The following TCEA1 variants were observed in gnomAD, a reference collection of about 807,000 sequenced individuals.
TCEA1 encodes the protein transcription elongation factor A1.
A neutral mutation model predicts 43.8 loss-of-function variants in TCEA1; 21 were observed. The observed-to-expected ratio is 0.48, with a 90% CI of 0.34 to 0.69. The LOEUF is 0.69. Ranked by LOEUF, TCEA1 falls within the 30% of genes least tolerant of loss-of-function variation. The pLI is 0.01. For missense variants in TCEA1, 250 were observed against 365.1 expected (o/e 0.68, Z 2.57); for synonymous variants, 104 against 117.5 (o/e 0.88, Z 0.75).
intron 2 of TCEA1, among the ~76,000 whole-genome samples, chr8:54,000,346 C>T (rs532267729): frequency 9.9e-5 from 15 of 152,122 alleles, no homozygotes; most frequent in South Asian, 4.2e-4. Context: ...TGAAGATAAA[C>T]GAGGATAAAA....
At chr8:54,000,082 C>G in intron 2 of TCEA1, 32 bp from the exon 3 acceptor site, 2 of 1,220,918 alleles carry the variant, frequency 1.6e-6, no homozygotes, top group Non-Finnish European at 2.3e-6. Context: ...ATTATGTATA[C>G]CAATTTTATT....
chr8:54,000,655 C>T (rs923904717), intron 2 of TCEA1, among the ~76,000 whole-genome samples: 1 of 152,100 alleles, frequency 6.6e-6, no homozygotes, highest in Non-Finnish European at 1.5e-5. Flanking sequence ...TTTCTAACAA[C>T]CCTTCAAAGT....
At chr8:53,999,224 CAAAAA>C (rs57357613) in intron 3 of TCEA1, among the ~76,000 whole-genome samples, 5 of 64,550 alleles carry the variant, frequency 7.7e-5, no homozygotes, top group South Asian at 5.0e-4. Context: ...GACTCAGTCT[CAAAAA>C]AAAAAAAAAA....
At chr8:53,989,913 G>A (rs1683238030) in intron 4 of TCEA1, among the ~76,000 whole-genome samples, 1 of 152,100 alleles carries the variant, frequency 6.6e-6, no homozygotes. Flanking sequence ...AGGACTACAG[G>A]TGCATGCCAC....
At chr8:53,986,089 G>A (rs1158897803) in intron 6 of TCEA1, among the ~76,000 whole-genome samples, 1 of 152,190 alleles carries the variant, frequency 6.6e-6, no homozygotes, top group Non-Finnish European at 1.5e-5. Flanking sequence ...AATTAAGCTA[G>A]CAGATTACTT....
intron 8 of TCEA1, among the ~76,000 whole-genome samples, chr8:53,975,782 G>C (rs1803313980): frequency 6.6e-6 from 1 of 152,132 alleles, no homozygotes; most frequent in Non-Finnish European, 1.5e-5. Context: ...TTTCACTTTT[G>C]CAAGAGGAAA....
chr8:53,991,112 G>T (rs970184927), intron 4 of TCEA1, among the ~76,000 whole-genome samples: 1 of 152,150 alleles, frequency 6.6e-6, no homozygotes, highest in Non-Finnish European at 1.5e-5. Context: ...ACAACGAGAG[G>T]CCAGGCGCAG....
intron 2 of TCEA1, among the ~76,000 whole-genome samples, chr8:54,006,483 GA>G (rs944201933): frequency 6.8e-6 from 1 of 146,558 alleles, no homozygotes; most frequent in Admixed American, 6.8e-5. Flanking sequence ...CCATCTCAAA[GA>G]AAAAAAAAAC....
chr8:53,975,383 A>T (rs2129299307), intron 8 of TCEA1, among the ~76,000 whole-genome samples: 1 of 152,290 alleles, frequency 6.6e-6, no homozygotes, highest in Middle Eastern at 3.4e-3. Context: ...CTGCAATTCC[A>T]CTGTTGGGTA....
intron 1 of TCEA1, among the ~76,000 whole-genome samples, chr8:54,013,181 A>G (rs1431582416): frequency 1.3e-5 from 2 of 152,128 alleles, no homozygotes; most frequent in Non-Finnish European, 2.9e-5. Flanking sequence ...TACAGTTTAA[A>G]TTGTTTTCCA....
At chr8:53,991,107 G>A (rs1459650515) in intron 4 of TCEA1, among the ~76,000 whole-genome samples, 1 of 152,044 alleles carries the variant, frequency 6.6e-6, no homozygotes, top group African/African-American at 2.4e-5. Context: ...AAAAGACAAC[G>A]AGAGGCCAGG....
intron 6 of TCEA1, among the ~76,000 whole-genome samples, chr8:53,986,549 CTAATTA>C (rs1803693277): frequency 6.6e-6 from 1 of 152,182 alleles, no homozygotes; most frequent in African/African-American, 2.4e-5. Flanking sequence ...GTAATCTCTT[CTAATTA>C]TGTTATCGGT....
At chr8:54,006,608 A>G (rs568925802) in intron 2 of TCEA1, among the ~76,000 whole-genome samples, 21 of 152,200 alleles carry the variant, frequency 1.4e-4, no homozygotes, top group Non-Finnish European at 2.5e-4. Context: ...CTCTAACTCT[A>G]CACGTGCCTG....
rs1450705122 is a variant in TCEA1, at chr8:53,966,591, A to T, written c.*1513T>A. 1 of 179,058 alleles carries T rather than the reference A, an allele frequency of 5.6e-6. No individual in the cohort carries two copies. Among genetic ancestry groups the T allele is most frequent in the African/African-American group, 2.4e-5 (1 of 42,318 alleles). The allele number at this position is 179,058 out of a possible 1,614,324, so 11.1% of individuals were successfully genotyped here. ...AACAAAAAAAACTTTATTGAATTAC[A>T]AATTTTAAAATGGATCACTTAAAAG... is the stretch of plus-strand genomic sequence containing the variant. On this transcript the variant is annotated 3_prime_UTR_variant, in exon 10 of 10. Coordinates refer to ENST00000521604, the MANE Select transcript of TCEA1 (RefSeq NM_006756.4).
chr8:54,009,895 T>C (rs1271828242), intron 2 of TCEA1: 1 of 152,450 alleles, frequency 6.6e-6, no homozygotes, highest in African/African-American at 2.4e-5. Context: ...TTCATCATTA[T>C]ACATTCTATG....
intron 8 of TCEA1, chr8:53,972,907 T>G (rs906332226): frequency 1.2e-5 from 8 of 681,350 alleles, no homozygotes; most frequent in Non-Finnish European, 1.9e-5. Context: ...CCGAAGGACG[T>G]AGCCTCAGAG....
intron 9 of TCEA1, among the ~76,000 whole-genome samples, chr8:53,968,706 G>C (rs1049744997): frequency 3.9e-5 from 6 of 151,978 alleles, no homozygotes; most frequent in African/African-American, 1.2e-4. Flanking sequence ...GCCAGGCATG[G>C]TGGTCCCAGG....
chr8:54,005,333 A>G (rs1259827887), intron 2 of TCEA1, among the ~76,000 whole-genome samples: 3 of 152,218 alleles, frequency 2.0e-5, no homozygotes, highest in Admixed American at 6.5e-5. Context: ...AAGCACTACC[A>G]TATCAGTCAA....
intron 7 of TCEA1, among the ~76,000 whole-genome samples, chr8:53,980,440 A>AT: frequency 6.6e-6 from 1 of 152,244 alleles, no homozygotes; most frequent in African/African-American, 2.4e-5. Flanking sequence ...TATTGGCGCT[A>AT]TTTTTCCAAA....
Sources: allele counts gnomAD v4.1 joint callset (sites outside exome capture counted in the v4.1 genomes callset), GRCh38; gene constraint gnomAD v4.1.1; transcripts MANE v1.5; gene names NCBI Gene and HGNC (gene_info 2026-07-23, HGNC 2026-07-21).